The following PRKCH variants were observed in gnomAD, a reference collection of about 807,000 sequenced individuals.
PRKCH encodes protein kinase C eta, also known as protein kinase C eta type.
Under a neutral mutation model 82.5 loss-of-function variants are expected in PRKCH, and 28 were observed. The ratio of observed to expected loss-of-function variants is 0.34; its 90% CI spans 0.25 to 0.47. PRKCH has a LOEUF of 0.47. PRKCH is among the 20% of genes least tolerant of loss of function. PRKCH has a pLI of 1.00. For synonymous variants in PRKCH, 322 were observed against 327.4 expected (o/e 0.98, Z 0.18); for missense variants, 705 against 881.8 (o/e 0.80, Z 2.54).
At chr14:61,326,983 C>T in intron 1 of PRKCH, 1 of 447,518 alleles carries the variant, frequency 2.2e-6, no homozygotes, top group Non-Finnish European at 4.5e-6. Flanking sequence ...GGACCAGCAT[C>T]TAATGCTTAA....
chr14:61,507,217 T>C (rs574677897), intron 10 of PRKCH, among the ~76,000 whole-genome samples: 20 of 152,200 alleles, frequency 1.3e-4, no homozygotes, highest in African/African-American at 4.3e-4. Context: ...ATCTGGGAAA[T>C]GCAAATGAAA....
chr14:61,323,204 C>G (rs1465596356), intron 1 of PRKCH, among the ~76,000 whole-genome samples: 6 of 152,122 alleles, frequency 3.9e-5, no homozygotes, highest in Non-Finnish European at 7.4e-5. Context: ...AGCCTGTGTT[C>G]CTGGGTATTG....
At chr14:61,362,710 A>AGCACTCCTGAAGATGCTTGTTCTGT (rs1394471542) in intron 1 of PRKCH, among the ~76,000 whole-genome samples, 1 of 152,272 alleles carries the variant, frequency 6.6e-6, no homozygotes, top group Non-Finnish European at 1.5e-5. Context: ...TGCTCAGGCC[A>AGCACTCCTGAAGATGCTTGTTCTGT]GCACTCCTGA....
intron 10 of PRKCH, among the ~76,000 whole-genome samples, chr14:61,497,837 T>C (rs1190472772): frequency 2.0e-5 from 3 of 152,166 alleles, no homozygotes. Context: ...AAGAAAGACT[T>C]CATCCCATCA....
intron 1 of PRKCH, among the ~76,000 whole-genome samples, chr14:61,347,232 A>G (rs984516051): frequency 1.3e-5 from 2 of 152,200 alleles, no homozygotes; most frequent in African/African-American, 4.8e-5. Flanking sequence ...TGATTGAATT[A>G]CTTTTTTAAA....
At chr14:61,197,595 CATT>C (rs2044450142) in intron 1 of PRKCH, among the ~76,000 whole-genome samples, 1 of 152,136 alleles carries the variant, frequency 6.6e-6, no homozygotes, top group African/African-American at 2.4e-5. Flanking sequence ...CATGATAACT[CATT>C]AAACTATTAA....
chr14:61,197,451 A>G (rs1037175740), intron 1 of PRKCH, among the ~76,000 whole-genome samples: 2 of 152,170 alleles, frequency 1.3e-5, no homozygotes, highest in Non-Finnish European at 2.9e-5. Flanking sequence ...ATGTCTGGTG[A>G]GGGCCTTCTG....
chr14:61,442,020 C>G (rs943547336), intron 2 of PRKCH, among the ~76,000 whole-genome samples: 5 of 151,956 alleles, frequency 3.3e-5, no homozygotes, highest in Non-Finnish European at 5.9e-5. Flanking sequence ...TCTATAATTT[C>G]CTTTGTAACA....
At chr14:61,205,460 C>T (rs1209625219) in intron 1 of PRKCH, among the ~76,000 whole-genome samples, 3 of 152,176 alleles carry the variant, frequency 2.0e-5, no homozygotes, top group Non-Finnish European at 1.5e-5. Context: ...CTTGGAAGCC[C>T]CATTACCACT....
At chr14:61,278,786 TTTTAG>T (rs1406449890) in intron 1 of PRKCH, 1 of 152,204 alleles carries the variant, frequency 6.6e-6, no homozygotes, top group Admixed American at 6.5e-5. Context: ...AATGGAATGA[TTTTAG>T]TTGAGTGTAA....
chr14:61,443,997 T>C (rs937523518), intron 3 of PRKCH, among the ~76,000 whole-genome samples: 17 of 152,170 alleles, frequency 1.1e-4, no homozygotes, highest in African/African-American at 4.1e-4. Context: ...TGAAAGGAGA[T>C]CTATATTTTT....
Position 61,547,859 on chromosome 14 carries a change from A to C in PRKCH, c.1878A>C (p.Gln626His), listed in dbSNP as rs1476309308. 2.5e-6 allele frequency: 4 copies of C among 1,613,888 alleles called. No individual in the cohort carries two copies. Among genetic ancestry groups the C allele is most frequent in the Admixed American group, 1.7e-5 (1 of 59,984 alleles). The stretch of plus-strand genomic sequence containing the variant: ...ACTGGGCCCAGCTGAACCATCGCCA[A>C]ATAGAACCGCCTTTCAGACCCAGAA... ...EIDWAQLNHR[Q>H]IEPPFRPRIK... Residue 626 changes from glutamine to histidine, a missense_variant, in exon 13 of 14, where the codon CAA (glutamine) becomes CAC (histidine). Physicochemically the swap from Gln to His is conservative, Grantham distance 24 (BLOSUM62 0). Around this residue, in one of 5 missense-constraint regions of PRKCH, gnomAD observed 91 missense variants for 81.2 expected, o/e 1.12. Transcript: ENST00000332981.
intron 1 of PRKCH, among the ~76,000 whole-genome samples, chr14:61,197,612 A>G (rs1182321364): frequency 6.6e-6 from 1 of 152,136 alleles, no homozygotes; most frequent in Non-Finnish European, 1.5e-5. Flanking sequence ...CTATTAACCC[A>G]TTAGTCCATT....
At chr14:61,461,394 G>A (rs982132571) in intron 9 of PRKCH, among the ~76,000 whole-genome samples, 3 of 152,192 alleles carry the variant, frequency 2.0e-5, no homozygotes, top group Non-Finnish European at 2.9e-5. Context: ...CTGGTTGCCC[G>A]CCGGGGTTTC....
intron 1 of PRKCH, among the ~76,000 whole-genome samples, chr14:61,276,954 C>T (rs1034991508): frequency 1.3e-5 from 2 of 152,072 alleles, no homozygotes; most frequent in Non-Finnish European, 1.5e-5. Flanking sequence ...GAGGCCAAGG[C>T]GGGCAGATCA....
chr14:61,494,742 A>G (rs1886592889), intron 10 of PRKCH, among the ~76,000 whole-genome samples: 1 of 152,256 alleles, frequency 6.6e-6, no homozygotes, highest in African/African-American at 2.4e-5. Context: ...TATTCTCAAG[A>G]CACTGCCTGA....
At chr14:61,281,100 G>C in intron 1 of PRKCH, 1 of 1,476,566 alleles carries the variant, frequency 6.8e-7, no homozygotes, top group Non-Finnish European at 9.0e-7. Context: ...GAGTGAAGGC[G>C]GTGTTGTCGG....
At position 61,257,631 on chromosome 14, in the gene PRKCH, C is replaced by CACACA. The variant is rs2045010075; in HGVS notation, c.-19+69963_-19+69964insACACA. ...CACACACACACACACACACACACAC[C>CACACA]CCCACACACACACACACACGCATAC... On this transcript the variant is annotated intron_variant, in intron 1 of 3. Transcript: ENST00000555185. 1.6e-3 allele frequency among the ~76,000 whole-genome samples: 69 copies of CACACA among 42,204 alleles called. 2 individuals are homozygous for CACACA. The highest frequency in any genetic ancestry group is 4.7e-3 in the African/African-American group (57 of 12,054). The allele number at this position is 42,204 out of a possible 152,430, so 27.7% of individuals were successfully genotyped here.
chr14:61,449,423 G>A (rs1485272218), intron 5 of PRKCH, among the ~76,000 whole-genome samples, 171 bp downstream of exon 5: 1 of 151,624 alleles, frequency 6.6e-6, no homozygotes, highest in Non-Finnish European at 1.5e-5. Flanking sequence ...TGAAGCCAAG[G>A]GTTGTATTAG....
Sources: allele counts gnomAD v4.1 joint callset (sites outside exome capture counted in the v4.1 genomes callset), GRCh38; gene constraint gnomAD v4.1.1; regional missense constraint gnomAD v4.1.1; transcripts MANE v1.5; gene names NCBI Gene and HGNC (gene_info 2026-07-23, HGNC 2026-07-21).